The following ANO10 variants were observed in gnomAD, a reference collection of about 807,000 sequenced individuals.
ANO10 encodes anoctamin-10.
ANO10 carries 77 observed loss-of-function variants against 74.7 expected under a neutral mutation model. That is an observed-to-expected ratio of 1.03 (90% CI 0.86 to 1.25). ANO10 has a LOEUF of 1.25. Among genes scored for constraint, ANO10 ranks in the 50% most tolerant of loss-of-function variants. The pLI is 0.00. For synonymous variants in ANO10, 279 were observed against 284.9 expected, an observed-to-expected ratio of 0.98 and a Z score of 0.21; for missense variants, 721 against 778.1, an observed-to-expected ratio of 0.93 and a Z score of 0.87.
intron 11 of ANO10, among the ~76,000 whole-genome samples, chr3:43,497,085 A>G (rs2149134896): frequency 6.6e-6 from 1 of 152,322 alleles, no homozygotes; most frequent in South Asian, 2.1e-4. Context: ...TGAAGAGTAC[A>G]TATGTGAGCA....
chr3:43,555,445 A>T lies in ANO10; in HGVS notation c.1501T>A (p.Leu501Ile). The T allele has an allele frequency of 6.2e-7, 1 of 1,614,120 alleles. No homozygotes were observed. Among genetic ancestry groups the T allele is most frequent in the Non-Finnish European group, 8.5e-7 (1 of 1,180,012 alleles). ...YLGTFDDYLE[L>I]FLQFGYVSLF... Reference sequence around the variant, plus strand: ...CTCACATAACCAAACTGCAGGAATAACTCCAAGTAATCATCAAAGGTGCCC... The same window carrying T: ...CTCACATAACCAAACTGCAGGAATATCTCCAAGTAATCATCAAAGGTGCCC... Residue 501 changes from leucine to isoleucine, a missense_variant, in exon 10 of 13, where the codon TTA becomes ATA. Leu to Ile is a conservative substitution (Grantham distance 5, BLOSUM62 2). Transcript: ENST00000292246.
In ANO10 at chr3:43,555,336, A is replaced by G. The variant is rs1559692762; in HGVS notation, c.1610T>C (p.Met537Thr). 4 of 1,614,170 alleles carry G rather than the reference A, an allele frequency of 2.5e-6. No individual in the cohort carries two copies. The highest frequency in any genetic ancestry group is 3.4e-6 in the Non-Finnish European group (4 of 1,180,014). ...GAATGGACGTTTGAAGACCCTGCAC[A>G]TTTTTAAGGCATCTGAATTTACTTC... ...FTEVNSDALKMCRVFKRPFSE... is the reference protein window; with the variant it reads ...FTEVNSDALKTCRVFKRPFSE... Residue 537 changes from methionine (M) to threonine (T), a missense_variant, in exon 10 of 13, where the codon ATG becomes ACG. By Grantham distance (81) the Met-to-Thr change is moderately conservative (BLOSUM62 -1). Coordinates refer to ENST00000292246, the MANE Select transcript of ANO10 (RefSeq NM_018075.5).
At chr3:43,492,802 C>T (rs1575254751) in intron 11 of ANO10, among the ~76,000 whole-genome samples, 1 of 151,938 alleles carries the variant, frequency 6.6e-6, no homozygotes, top group South Asian at 2.1e-4. Flanking sequence ...TGCTGGACAG[C>T]CTGTGGAAAA....
At chr3:43,690,973 G>T (rs1364247609) in intron 1 of ANO10, 1 of 1,570,354 alleles carries the variant, frequency 6.4e-7, no homozygotes, top group South Asian at 1.2e-5. Context: ...ATAAGTCCCG[G>T]CGCTTGCGCG....
intron 12 of ANO10, among the ~76,000 whole-genome samples, chr3:43,370,113 G>A (rs1395782911): frequency 6.6e-6 from 1 of 152,206 alleles, no homozygotes; most frequent in South Asian, 2.1e-4. Context: ...TGGTGAAGAG[G>A]AGGCTGAGCC....
At chr3:43,676,901 A>ACAT (rs1261917578) in intron 1 of ANO10, among the ~76,000 whole-genome samples, 1 of 152,114 alleles carries the variant, frequency 6.6e-6, no homozygotes, top group East Asian at 1.9e-4. Flanking sequence ...GTCAAGGCAC[A>ACAT]CATCAGCCTG....
chr3:43,445,888 C>T (rs2093237478), intron 11 of ANO10, among the ~76,000 whole-genome samples: 1 of 151,906 alleles, frequency 6.6e-6, no homozygotes, highest in African/African-American at 2.4e-5. Flanking sequence ...TTTGTAGAGA[C>T]GGGGTTTTGC....
intron 12 of ANO10, among the ~76,000 whole-genome samples, chr3:43,368,502 T>C (rs185052533): frequency 1.3e-5 from 2 of 152,266 alleles, no homozygotes; most frequent in Admixed American, 6.5e-5. Flanking sequence ...TGTAAAAGTC[T>C]CCCCAGAGTT....
intron 1 of ANO10, among the ~76,000 whole-genome samples, chr3:43,653,789 C>G (rs1330981823): frequency 2.0e-5 from 3 of 152,204 alleles, no homozygotes; most frequent in Non-Finnish European, 4.4e-5. Context: ...ATACCTAGAA[C>G]CCCATGAAGT....
At chr3:43,567,043 C>T (rs1446996337) in intron 7 of ANO10, among the ~76,000 whole-genome samples, 2 of 152,066 alleles carry the variant, frequency 1.3e-5, no homozygotes, top group Non-Finnish European at 2.9e-5. Flanking sequence ...AATGCAGAAG[C>T]CTCAGGAGCT....
At chr3:43,669,102 GT>G (rs547621471) in intron 1 of ANO10, among the ~76,000 whole-genome samples, 13 of 151,924 alleles carry the variant, frequency 8.6e-5, no homozygotes, top group Admixed American at 2.0e-4. Flanking sequence ...GTGCTTCTCA[GT>G]TTTTTTTCCT....
Position 43,403,565 on chromosome 3 carries a change from A to G in ANO10, c.1914+29046T>C, listed in dbSNP as rs2092522399. Among the ~76,000 whole-genome samples, 3 of 152,234 alleles carry G rather than the reference A, an allele frequency of 2.0e-5. 1 individual carries two copies. In the South Asian group the frequency reaches 6.2e-4, roughly 32 times the overall value. ...TGGCCTATCACCAAATAGGGCTGGAAGCAGGGGAAAGCTGTGGAGCTGATG... is the reference window on the plus strand; with the variant it reads ...TGGCCTATCACCAAATAGGGCTGGAGGCAGGGGAAAGCTGTGGAGCTGATG... On this transcript the variant is annotated intron_variant, in intron 12 of 12. Coordinates refer to ENST00000292246, the MANE Select transcript of ANO10 (RefSeq NM_018075.5).
intron 5 of ANO10, 129 bp from the exon 6 acceptor site, chr3:43,577,390 G>A (rs2081063638): frequency 1.1e-6 from 1 of 909,782 alleles, no homozygotes; most frequent in Non-Finnish European, 1.7e-6. Flanking sequence ...ACAGCGTGTG[G>A]TGGTAAATCT....
At chr3:43,655,255 T>C (rs776413703) in intron 1 of ANO10, among the ~76,000 whole-genome samples, 6 of 152,124 alleles carry the variant, frequency 3.9e-5, no homozygotes, top group Non-Finnish European at 8.8e-5. Flanking sequence ...ACCCTCGCGG[T>C]GAGTGTTACA....
intron 4 of ANO10, among the ~76,000 whole-genome samples, chr3:43,595,547 G>C (rs550905123): frequency 1.3e-5 from 2 of 152,128 alleles, no homozygotes; most frequent in African/African-American, 2.4e-5. Flanking sequence ...AAAGGCCTTC[G>C]AGAAAATTCA....
At chr3:43,437,511 A>C (rs74505206) in intron 11 of ANO10, among the ~76,000 whole-genome samples, 12,268 of 152,226 alleles carry the variant, frequency 0.081, 698 homozygotes, top group African/African-American at 0.15. Flanking sequence ...GCCTTTTCTA[A>C]ATTAGAGGGC....
intron 12 of ANO10, among the ~76,000 whole-genome samples, chr3:43,379,590 C>T (rs149344771): frequency 6.6e-6 from 1 of 152,298 alleles, no homozygotes; most frequent in Non-Finnish European, 1.5e-5. Flanking sequence ...CTTGCTTTCT[C>T]AGCTGGGAGG....
At chr3:43,500,209 G>A (rs559760368) in intron 11 of ANO10, among the ~76,000 whole-genome samples, 1 of 152,062 alleles carries the variant, frequency 6.6e-6, no homozygotes, top group Middle Eastern at 3.2e-3. Flanking sequence ...TTTTATCTCA[G>A]AGTTGACAAT....
chr3:43,534,970 ATT>A (rs1231149994), intron 11 of ANO10, among the ~76,000 whole-genome samples: 1 of 150,050 alleles, frequency 6.7e-6, no homozygotes, highest in Non-Finnish European at 1.5e-5. Flanking sequence ...CTATATGTAG[ATT>A]TTTTTCTTTT....
Sources: gnomAD v4.1 joint callset for allele counts (sites outside exome capture counted in the v4.1 genomes callset) on GRCh38, gnomAD v4.1.1 for gene constraint, MANE v1.5 for transcripts, NCBI Gene and HGNC (gene_info 2026-07-23, HGNC 2026-07-21) for gene names.